Variants in ABCC9 observed in about 807,000 individuals in gnomAD.
ABCC9 encodes the protein ATP binding cassette subfamily C member 9, also known as ATP-binding cassette sub-family C member 9.
ABCC9 carries 95 observed loss-of-function variants against 188.3 expected under a neutral mutation model. That is an observed-to-expected ratio of 0.50 (90% CI 0.43 to 0.60). The LOEUF is 0.60. Among genes scored for constraint, ABCC9 ranks in the 20% least tolerant of loss-of-function variants. The probability of loss-of-function intolerance (pLI) is 0.00; values close to 1 mark genes in which losing one functional copy is unlikely to be tolerated. For synonymous variants in ABCC9, 659 were observed against 652.7 expected, an observed-to-expected ratio of 1.01 and a Z score of -0.15; for missense variants, 1,102 against 1,876.3, an observed-to-expected ratio of 0.59 and a Z score of 7.62.
chr12:21,877,688 C>T (rs1333523131), intron 16 of ABCC9, among the ~76,000 whole-genome samples: 1 of 152,066 alleles, frequency 6.6e-6, no homozygotes, highest in East Asian at 1.9e-4. Flanking sequence ...CTAAGGTGAT[C>T]TGGAGAAAGA....
intron 11 of ABCC9, among the ~76,000 whole-genome samples, chr12:21,906,923 G>A (rs528010019): frequency 6.6e-5 from 10 of 152,092 alleles, no homozygotes; most frequent in South Asian, 6.2e-4. Context: ...TAGCAGATAC[G>A]AAACCTTCAT....
intron 24 of ABCC9, among the ~76,000 whole-genome samples, chr12:21,849,770 G>T (rs1399398718): frequency 6.6e-6 from 1 of 152,130 alleles, no homozygotes; most frequent in Non-Finnish European, 1.5e-5. Flanking sequence ...ACTGGGCCAG[G>T]CCAGGTGAGG....
rs1254465499 is a variant in ABCC9 at position 21,799,259 on chromosome 12, TAAAAAAAAAAAAG to T, written c.*1772_*1784del. 1 of 118,440 alleles carries T rather than the reference TAAAAAAAAAAAAG, an allele frequency of 8.4e-6. No individual in the cohort carries two copies. The highest frequency in any genetic ancestry group is 2.3e-4 in the East Asian group (1 of 4,266). 7.3% of individuals were successfully genotyped at this position (118,440 alleles called of 1,614,324 possible). ...ACTTAAAGTATATTAAAAAAAAAAT[TAAAAAAAAAAAAG>T]AAAAAAAAAAGATTACTTCCATGGG... On this transcript the variant is annotated 3_prime_UTR_variant, in exon 40 of 40. Transcript: ENST00000261200.
rs200507226 is a variant in ABCC9 at position 21,863,472 on chromosome 12, AAT to A, written c.2238-420_2238-419del. 5.7e-3 allele frequency among the ~76,000 whole-genome samples: 861 copies of A among 152,288 alleles called. 5 individuals carry two copies. The highest frequency in any genetic ancestry group is 0.019 in the African/African-American group (790 of 41,578). Reference sequence around the variant, plus strand: ...ACTTTAAGATGTTAATTGATACTGTAATTATTGTATGGCTTTGTGGCTTAATC... The same window carrying A: ...ACTTTAAGATGTTAATTGATACTGTATATTGTATGGCTTTGTGGCTTAATC... On this transcript the variant is annotated intron_variant, in intron 19 of 39. Transcript: ENST00000261200.
intron 36 of ABCC9, among the ~76,000 whole-genome samples, 186 bp from the exon 37 acceptor site, chr12:21,810,141 A>G (rs931374069): frequency 5.3e-5 from 8 of 152,214 alleles, no homozygotes; most frequent in Admixed American, 1.3e-4. Flanking sequence ...GAATGAATGC[A>G]TGATCTTAAT....
In ABCC9 at chr12:21,887,814, TA is replaced by T; in HGVS notation, c.1911+11del. ...CTATTCACAACTTCCAAAACAAAAA[TA>T]AAGCACTTACAACTCCAGTGTGCTT... On this transcript the variant is annotated intron_variant, in intron 15 of 39. Coordinates refer to ENST00000261200, the MANE Select transcript of ABCC9 (RefSeq NM_020297.4). The T allele has an allele frequency of 1.3e-6, 2 of 1,575,420 alleles. No homozygotes were observed. The highest frequency in any genetic ancestry group is 1.3e-5 in the African/African-American group (1 of 74,208).
At chr12:21,859,265 A>C (rs1281044244) in intron 22 of ABCC9, among the ~76,000 whole-genome samples, 1 of 152,076 alleles carries the variant, frequency 6.6e-6, no homozygotes, top group African/African-American at 2.4e-5. Context: ...TTTGCCATCA[A>C]ATATAAATAA....
In ABCC9 at chr12:21,852,108, C is replaced by A; in HGVS notation, c.2758G>T (p.Glu920Ter). The A allele has an allele frequency of 6.2e-7, 1 of 1,613,632 alleles. No homozygotes were observed. The change falls in exon 24 of 40, where the codon GAA (glutamate) becomes TAA (stop). Residue 920 changes from glutamate to a stop codon, truncating the protein, a stop_gained. Coordinates refer to ENST00000261200, the MANE Select transcript of ABCC9 (RefSeq NM_020297.4). LOFTEE classifies it high-confidence loss of function. ...CTATGAGCACTTACCTTTTCTAATT[C>A]TTGATCTTGCCGATTCATAAGTGTT... ...WKTLMNRQDQELEKDMEADQT... is the reference protein window; with the variant it reads ...WKTLMNRQDQ
chr12:21,876,797 C>G (rs191530105), intron 16 of ABCC9, among the ~76,000 whole-genome samples: 2 of 152,302 alleles, frequency 1.3e-5, no homozygotes, highest in African/African-American at 4.8e-5. Context: ...AATGAAATTT[C>G]TAAGCACACT....
At chr12:21,900,922 G>A (rs1370423027) in intron 12 of ABCC9, among the ~76,000 whole-genome samples, 1 of 152,124 alleles carries the variant, frequency 6.6e-6, no homozygotes, top group Non-Finnish European at 1.5e-5. Flanking sequence ...TAGCAAGGCA[G>A]GCCAACATTC....
intron 4 of ABCC9, among the ~76,000 whole-genome samples, chr12:21,933,444 A>G (rs1374040424): frequency 2.0e-5 from 3 of 152,102 alleles, no homozygotes; most frequent in Non-Finnish European, 4.4e-5. Context: ...GCATCAATTT[A>G]TGGCTCTATC....
At chr12:21,922,513 T>C (rs1217526613) in intron 5 of ABCC9, among the ~76,000 whole-genome samples, 1 of 151,818 alleles carries the variant, frequency 6.6e-6, no homozygotes, top group Non-Finnish European at 1.5e-5. Flanking sequence ...AAATGAAATA[T>C]GAAATAAATT....
chr12:21,925,660 T>G lies in ABCC9; in HGVS notation c.406+282A>C. 3 of 635,328 alleles carry G rather than the reference T, an allele frequency of 4.7e-6. No individual in the cohort carries two copies. In the South Asian group the frequency reaches 5.4e-5, roughly 11 times the overall value. The allele number at this position is 635,328 out of a possible 1,614,324, so 39.4% of individuals were successfully genotyped here. A position where few individuals can be genotyped will look rare whatever the true frequency, so the allele number is the denominator to read the frequency against. On this transcript the variant is annotated intron_variant, in intron 5 of 39. Transcript: ENST00000261200. ...CTTCTGCAAGCCAGAAGGCCAGCCA[T>G]ATTTCCTCCACTTTCTTCCCCCACC...
chr12:21,882,387 CT>C (rs1946669507), intron 16 of ABCC9, among the ~76,000 whole-genome samples: 1 of 152,176 alleles, frequency 6.6e-6, no homozygotes, highest in African/African-American at 2.4e-5. Flanking sequence ...TGAGTCTCCC[CT>C]GATTGAAAAC....
intron 12 of ABCC9, 123 bp from the exon 13 acceptor site, chr12:21,895,438 A>C: frequency 2.3e-6 from 2 of 858,036 alleles, no homozygotes; most frequent in Non-Finnish European, 3.8e-6. Flanking sequence ...ATTAAATGTC[A>C]TTTTGTCTGG....
intron 4 of ABCC9, among the ~76,000 whole-genome samples, chr12:21,926,578 T>C (rs961286379): frequency 3.9e-5 from 6 of 152,136 alleles, no homozygotes; most frequent in African/African-American, 1.4e-4. Flanking sequence ...ATCTAGTATA[T>C]TGAGGATACC....
At chr12:21,928,224 A>C (rs1365312450) in intron 4 of ABCC9, among the ~76,000 whole-genome samples, 1 of 144,430 alleles carries the variant, frequency 6.9e-6, no homozygotes, top group African/African-American at 2.5e-5. Context: ...TGTCTCAAAA[A>C]AAGAAGCAAA....
chr12:21,886,142 T>C (rs1946865221), intron 15 of ABCC9, among the ~76,000 whole-genome samples: 1 of 152,192 alleles, frequency 6.6e-6, no homozygotes. Context: ...ATCCAGTCAT[T>C]GATTTAAATA....
At chr12:21,938,613 C>T (rs895920247) in intron 2 of ABCC9, among the ~76,000 whole-genome samples, 2 of 152,180 alleles carry the variant, frequency 1.3e-5, no homozygotes, top group African/African-American at 4.8e-5. Flanking sequence ...TATAAACTTT[C>T]CTCGCACAAA....
Sources: gnomAD v4.1 joint callset for allele counts (sites outside exome capture counted in the v4.1 genomes callset) on GRCh38, gnomAD v4.1.1 for gene constraint, MANE v1.5 for transcripts, NCBI Gene and HGNC (gene_info 2026-07-23, HGNC 2026-07-21) for gene names.